PDE11A: variants seen among roughly 807,000 people sequenced by gnomAD.
PDE11A encodes the protein dual 3',5'-cyclic-AMP and -GMP phosphodiesterase 11A.
Under a neutral mutation model 100.5 loss-of-function variants are expected in PDE11A, and 100 were observed. That is an observed-to-expected ratio of 1.00 (90% CI 0.85 to 1.18). PDE11A has a LOEUF of 1.18. PDE11A is among the 50% of genes most tolerant of loss of function. The pLI, the probability that PDE11A is intolerant of heterozygous loss-of-function variation, is 0.00. For missense variants in PDE11A, 1,141 were observed against 1,152.6 expected (o/e 0.99, Z 0.15); for synonymous variants, 381 against 420.8 (o/e 0.91, Z 1.16).
intron 9 of PDE11A, among the ~76,000 whole-genome samples, chr2:177,799,788 C>T (rs142966040): frequency 3.5e-4 from 53 of 152,264 alleles, no homozygotes; most frequent in African/African-American, 1.2e-3. Context: ...ATTCAGAGAC[C>T]CAGGATCTGT....
rs2079878352 is a variant in PDE11A at position 177,629,167 on chromosome 2, GT to G, written c.*239del. On this transcript the variant is annotated 3_prime_UTR_variant, in exon 20 of 20. Coordinates refer to ENST00000286063, the MANE Select transcript of PDE11A (RefSeq NM_016953.4). The stretch of plus-strand genomic sequence containing the variant: ...CCAGAGCCTTCATTTCAGCCCATGC[GT>G]GTTCATTAGGGAAAAGTGAGGGTCC... 3.6e-6 allele frequency: 2 copies of G among 548,292 alleles called. No homozygotes were observed. Among genetic ancestry groups the G allele is most frequent in the Non-Finnish European group, 6.6e-6 (2 of 304,730 alleles). 34.0% of individuals were successfully genotyped at this position (548,292 alleles called of 1,614,324 possible). A position where few individuals can be genotyped will look rare whatever the true frequency, so the allele number is the denominator to read the frequency against.
intron 2 of PDE11A, among the ~76,000 whole-genome samples, chr2:177,972,319 A>G (rs1195723977): frequency 6.6e-6 from 1 of 152,236 alleles, no homozygotes; most frequent in Non-Finnish European, 1.5e-5. Context: ...GATTTCAAAC[A>G]GTATCAGTTA....
rs528506008 is a variant in PDE11A, at chr2:177,973,111, G to A, written c.1071+41191C>T. Among the ~76,000 whole-genome samples the A allele has an allele frequency of 2.4e-4, 36 of 151,754 alleles. 1 individual carries two copies. In the South Asian group the frequency reaches 4.4e-3, roughly 19 times the overall value. Reference sequence around the variant, plus strand: ...AAGATGGCCGAATAGGAACAGCTCCGGTCTACAGCTCCCAGCGTGAGCGAC... The same window carrying A: ...AAGATGGCCGAATAGGAACAGCTCCAGTCTACAGCTCCCAGCGTGAGCGAC... On this transcript the variant is annotated intron_variant, in intron 2 of 19. Coordinates refer to ENST00000286063, the MANE Select transcript of PDE11A (RefSeq NM_016953.4).
At chr2:177,998,169 T>A in intron 2 of PDE11A, 2 of 929,434 alleles carry the variant, frequency 2.2e-6, no homozygotes, top group Non-Finnish European at 3.6e-6. Flanking sequence ...GTAAGCTTTT[T>A]AACCCAGACA....
intron 19 of PDE11A, among the ~76,000 whole-genome samples, chr2:177,660,087 CT>C (rs1401260603): frequency 2.4e-5 from 1 of 41,052 alleles, no homozygotes; most frequent in Non-Finnish European, 5.2e-5. Context: ...TTCTTTCTTT[CT>C]TTCTTTCTTT....
intron 10 of PDE11A, among the ~76,000 whole-genome samples, chr2:177,750,886 G>C (rs1238562597): frequency 1.3e-5 from 2 of 152,180 alleles, no homozygotes; most frequent in African/African-American, 4.8e-5. Context: ...CTAGACCTGT[G>C]CTTTTCATTC....
chr2:177,741,224 T>A (rs1297857380), intron 10 of PDE11A, among the ~76,000 whole-genome samples: 4 of 152,190 alleles, frequency 2.6e-5, no homozygotes, highest in African/African-American at 4.8e-5. Context: ...TCTTGAGGTC[T>A]CTCTCCTTGG....
At position 178,072,633 on chromosome 2, in the gene PDE11A, C is replaced by G; in HGVS notation, c.-196G>C. The G allele has an allele frequency of 6.8e-7, 1 of 1,481,174 alleles. No individual in the cohort carries two copies. Among genetic ancestry groups the G allele is most frequent in the East Asian group, 2.5e-5 (1 of 40,324 alleles). The allele number at this position is 1,481,174 out of a possible 1,614,324, so 91.8% of individuals were successfully genotyped here. On this transcript the variant is annotated 5_prime_UTR_variant, in exon 1 of 20. Transcript: ENST00000286063. ...TGGCTCAGAGTGGCTGGCGCCGACCCCACCCCGTGGTCCTGCTACTCCTGC... is the reference window on the plus strand; with the variant it reads ...TGGCTCAGAGTGGCTGGCGCCGACCGCACCCCGTGGTCCTGCTACTCCTGC...
intron 2 of PDE11A, among the ~76,000 whole-genome samples, chr2:177,923,252 T>C (rs969975206): frequency 1.3e-5 from 2 of 152,010 alleles, no homozygotes; most frequent in African/African-American, 2.4e-5. Context: ...TCACAGTTCA[T>C]GGCAGACTTG....
chr2:177,963,047 A>T (rs2085655352), intron 2 of PDE11A, among the ~76,000 whole-genome samples: 2 of 152,210 alleles, frequency 1.3e-5, no homozygotes, highest in South Asian at 2.1e-4. Context: ...GGTGGGAATT[A>T]TTCCAGATCC....
intron 2 of PDE11A, among the ~76,000 whole-genome samples, chr2:178,102,785 A>G (rs2087575592): frequency 6.6e-6 from 1 of 152,150 alleles, no homozygotes; most frequent in Non-Finnish European, 1.5e-5. Flanking sequence ...CCAAATAAAG[A>G]TATGTTGAGG....
chr2:177,839,642 A>G (rs2083456878), intron 6 of PDE11A, among the ~76,000 whole-genome samples: 1 of 152,144 alleles, frequency 6.6e-6, no homozygotes, highest in South Asian at 2.1e-4. Flanking sequence ...TCCTCACCAA[A>G]AAAATGCCTC....
At chr2:178,021,886 G>T (rs1354500748) in intron 1 of PDE11A, among the ~76,000 whole-genome samples, 1 of 152,180 alleles carries the variant, frequency 6.6e-6, no homozygotes, top group Non-Finnish European at 1.5e-5. Flanking sequence ...TTAATTTGAG[G>T]AATAGAAAGA....
chr2:178,040,570 G>A (rs998313337), intron 1 of PDE11A, among the ~76,000 whole-genome samples: 4 of 152,148 alleles, frequency 2.6e-5, no homozygotes, highest in Admixed American at 2.0e-4. Context: ...AGAGTTCTTA[G>A]GGTTATGATT....
chr2:177,905,097 C>T lies in PDE11A; in HGVS notation c.1161+1G>A. 1 of 1,547,880 alleles carries T rather than the reference C, an allele frequency of 6.5e-7. No homozygotes were observed. The highest frequency in any genetic ancestry group is 8.9e-7 in the Non-Finnish European group (1 of 1,119,418). ...TGTCAACAATGTTTTTATTTACTCA[C>T]TCTGCTTCTTTCATATTCTTTCCTT... On this transcript the variant is annotated splice_donor_variant, in intron 3 of 19. Coordinates refer to ENST00000286063, the MANE Select transcript of PDE11A (RefSeq NM_016953.4). LOFTEE classifies it high-confidence loss of function.
At chr2:177,960,572 C>T (rs1014404808) in intron 2 of PDE11A, among the ~76,000 whole-genome samples, 1 of 151,452 alleles carries the variant, frequency 6.6e-6, no homozygotes, top group Non-Finnish European at 1.5e-5. Context: ...GCTGCCCACA[C>T]GAGAGAATTA....
chr2:177,685,124 C>T (rs9677392), intron 15 of PDE11A, among the ~76,000 whole-genome samples: 9,733 of 152,172 alleles, frequency 0.064, 513 homozygotes, highest in East Asian at 0.26. Flanking sequence ...ACAACAATGC[C>T]TGACATGTAG....
rs539565537 is a variant in PDE11A, at chr2:177,637,938, TAC to T, written c.2647-8378_2647-8377del. 8.0e-4 allele frequency among the ~76,000 whole-genome samples: 116 copies of T among 144,678 alleles called. 3 individuals carry two copies. Among genetic ancestry groups the T allele is most frequent in the African/African-American group, 2.8e-3 (113 of 39,724 alleles). 94.9% of individuals were successfully genotyped at this position (144,678 alleles called of 152,430 possible). On this transcript the variant is annotated intron_variant, in intron 19 of 19. Coordinates refer to ENST00000286063, the MANE Select transcript of PDE11A (RefSeq NM_016953.4). ...ATATACACATACATATATACATATATACATATATACACATACATATATACGTA... is the reference window on the plus strand; with the variant it reads ...ATATACACATACATATATACATATATATATATACACATACATATATACGTA...
intron 5 of PDE11A, among the ~76,000 whole-genome samples, chr2:177,872,176 A>G (rs1217697922): frequency 6.6e-6 from 1 of 152,208 alleles, no homozygotes; most frequent in Non-Finnish European, 1.5e-5. Context: ...CAGAGTAGGT[A>G]CTCAATATAT....
Sources: gnomAD v4.1 joint callset for allele counts (sites outside exome capture counted in the v4.1 genomes callset) on GRCh38, gnomAD v4.1.1 for gene constraint, MANE v1.5 for transcripts, NCBI Gene and HGNC (gene_info 2026-07-23, HGNC 2026-07-21) for gene names.